PRR16: variants seen among roughly 807,000 people sequenced by gnomAD.
PRR16 encodes the protein proline rich 16.
Under a neutral mutation model 18.2 loss-of-function variants are expected in PRR16, and 6 were observed. That is an observed-to-expected ratio of 0.33 (90% CI 0.18 to 0.65). PRR16 has a LOEUF of 0.65. Among genes scored for constraint, PRR16 ranks in the 30% least tolerant of loss-of-function variants. The pLI is 0.74. For synonymous variants in PRR16, 151 were observed against 147.8 expected (o/e 1.02, Z -0.16); for missense variants, 412 against 376.6 (o/e 1.09, Z -0.78).
At chr5:120,495,617 A>G (rs1453927472) in intron 1 of PRR16, among the ~76,000 whole-genome samples, 1 of 152,126 alleles carries the variant, frequency 6.6e-6, no homozygotes, top group Non-Finnish European at 1.5e-5. Context: ...CCACAGATAC[A>G]GAAGACTGAC....
intron 1 of PRR16, among the ~76,000 whole-genome samples, chr5:120,518,329 A>ATC (rs1751063986): frequency 6.6e-6 from 1 of 152,032 alleles, no homozygotes; most frequent in Admixed American, 6.6e-5. Context: ...ATATATATAT[A>ATC]TTTGTAAAGG....
the PRR16 span, among the ~76,000 whole-genome samples, chr5:120,747,225 G>A: frequency 6.6e-6 from 1 of 152,108 alleles, no homozygotes; most frequent in Admixed American, 6.6e-5. Flanking sequence ...TGCATGTGTG[G>A]GGCTAAGGGG....
chr5:120,599,719 C>T (rs1753921388), intron 1 of PRR16, among the ~76,000 whole-genome samples: 1 of 151,860 alleles, frequency 6.6e-6, no homozygotes, highest in South Asian at 2.1e-4. Context: ...GTTTACCTTT[C>T]CCCATCTAGT....
chr5:120,537,426 A>G (rs1483425164), intron 1 of PRR16, among the ~76,000 whole-genome samples: 1 of 152,198 alleles, frequency 6.6e-6, no homozygotes, highest in Non-Finnish European at 1.5e-5. Context: ...TTCCTCAATT[A>G]CTACAGTACA....
intron 1 of PRR16, among the ~76,000 whole-genome samples, chr5:120,647,534 A>G (rs1755640563): frequency 6.6e-6 from 1 of 152,090 alleles, no homozygotes; most frequent in Admixed American, 6.6e-5. Flanking sequence ...GTCACTCTGT[A>G]TAGACTGTAT....
intron 1 of PRR16, among the ~76,000 whole-genome samples, chr5:120,475,294 A>G (rs962142883): frequency 2.0e-5 from 3 of 152,124 alleles, no homozygotes; most frequent in African/African-American, 7.2e-5. Context: ...GCTATTTTTC[A>G]GTCTTCTAAC....
At chr5:120,679,080 A>G (rs182372251) in intron 1 of PRR16, among the ~76,000 whole-genome samples, 11 of 152,242 alleles carry the variant, frequency 7.2e-5, no homozygotes, top group Non-Finnish European at 8.8e-5. Context: ...TCCACAGTCT[A>G]CTATAGCTTC....
chr5:120,516,307 C>G (rs1327808707), intron 1 of PRR16, among the ~76,000 whole-genome samples: 1 of 151,808 alleles, frequency 6.6e-6, no homozygotes, highest in African/African-American at 2.4e-5. Flanking sequence ...TACCTGTAGT[C>G]CCAGCTACTC....
intron 1 of PRR16, among the ~76,000 whole-genome samples, chr5:120,595,951 T>C (rs939104484): frequency 1.3e-5 from 2 of 151,924 alleles, no homozygotes; most frequent in African/African-American, 4.8e-5. Flanking sequence ...TGTAAGCACA[T>C]TTTCAGTTTG....
At chr5:120,641,135 T>G (rs1328746935) in intron 1 of PRR16, among the ~76,000 whole-genome samples, 3 of 152,188 alleles carry the variant, frequency 2.0e-5, no homozygotes, top group Non-Finnish European at 2.9e-5. Flanking sequence ...TCGTCTAGCT[T>G]AAAATTGTGC....
At chr5:120,652,140 C>T (rs1480280837) in intron 1 of PRR16, among the ~76,000 whole-genome samples, 1 of 151,976 alleles carries the variant, frequency 6.6e-6, no homozygotes, top group Non-Finnish European at 1.5e-5. Context: ...ATGACTGTTT[C>T]TATGGATGTA....
intron 1 of PRR16, among the ~76,000 whole-genome samples, chr5:120,650,308 C>CAAATG (rs2150130855): frequency 6.7e-6 from 1 of 150,356 alleles, no homozygotes; most frequent in South Asian, 2.1e-4. Flanking sequence ...TTCAGATTAT[C>CAAATG]AAATGATTTT....
chr5:120,744,844 A>G, the PRR16 span, among the ~76,000 whole-genome samples: 3 of 152,152 alleles, frequency 2.0e-5, no homozygotes, highest in African/African-American at 7.2e-5. Flanking sequence ...GGGATTGTCA[A>G]TGGGGGGTAA....
At chr5:120,616,147 G>A (rs1205687184) in intron 1 of PRR16, among the ~76,000 whole-genome samples, 1 of 152,092 alleles carries the variant, frequency 6.6e-6, no homozygotes, top group Non-Finnish European at 1.5e-5. Context: ...TGCTCTACAA[G>A]TAGCTAACAA....
At chr5:120,584,528 T>C (rs961914100) in intron 1 of PRR16, among the ~76,000 whole-genome samples, 1 of 152,232 alleles carries the variant, frequency 6.6e-6, no homozygotes, top group Non-Finnish European at 1.5e-5. Flanking sequence ...TTATGAATGC[T>C]ATTTGAAATT....
rs57412049 is a variant in PRR16, at chr5:120,533,033, C to G, written c.159+68388C>G. ...ATTGCTTCCTTGCTTTTGCATCCCC[C>G]CTTCATCTCTGGCTGTTTCCACCTT... On this transcript the variant is annotated intron_variant, in intron 1 of 1. Coordinates refer to ENST00000407149, the MANE Select transcript of PRR16 (RefSeq NM_001300783.2). 6.7e-3 allele frequency among the ~76,000 whole-genome samples: 1,021 copies of G among 152,274 alleles called. 11 individuals are homozygous for G. Among genetic ancestry groups the G allele is most frequent in the African/African-American group, 0.023 (951 of 41,546 alleles).
chr5:120,789,739 G>T, the PRR16 span, among the ~76,000 whole-genome samples: 2 of 151,890 alleles, frequency 1.3e-5, no homozygotes, highest in African/African-American at 4.8e-5. Flanking sequence ...CTTAAATTTT[G>T]ATAACTAAGT....
chr5:120,552,058 A>C (rs534284954), intron 1 of PRR16, among the ~76,000 whole-genome samples: 1 of 151,944 alleles, frequency 6.6e-6, no homozygotes, highest in Admixed American at 6.6e-5. Flanking sequence ...ACAATCCTCT[A>C]TGACATTTGA....
At position 120,495,866 on chromosome 5, in the gene PRR16, CT is replaced by C. The variant is rs542811744; in HGVS notation, c.159+31225del. Reference sequence around the variant, plus strand: ...AATAAGAGTGGTGAGATTGAATATCCTTTTCTTTGCCCAATTTTGGGGGGAA... The same window carrying C: ...AATAAGAGTGGTGAGATTGAATATCCTTTCTTTGCCCAATTTTGGGGGGAA... On this transcript the variant is annotated intron_variant, in intron 1 of 1. Coordinates refer to ENST00000407149, the MANE Select transcript of PRR16 (RefSeq NM_001300783.2). 1.4e-4 allele frequency among the ~76,000 whole-genome samples: 21 copies of C among 151,986 alleles called. 1 individual carries two copies. In the South Asian group the frequency reaches 4.4e-3, roughly 32 times the overall value.
Sources: allele counts gnomAD v4.1 joint callset (sites outside exome capture counted in the v4.1 genomes callset), GRCh38; gene constraint gnomAD v4.1.1; transcripts MANE v1.5; gene names NCBI Gene and HGNC (gene_info 2026-07-23, HGNC 2026-07-21).